PALLD: variants seen among roughly 807,000 people sequenced by gnomAD.
PALLD encodes palladin, cytoskeletal associated protein.
A neutral mutation model predicts 123.5 loss-of-function variants in PALLD; 61 were observed. That is an observed-to-expected ratio of 0.49 (90% confidence interval 0.40 to 0.61). PALLD has a LOEUF of 0.61. PALLD is among the 20% of genes least tolerant of loss of function. PALLD has a pLI of 0.00. For synonymous variants in PALLD, 465 were observed against 496.4 expected (o/e 0.94, Z 0.84); for missense variants, 1,273 against 1,377.0 (o/e 0.92, Z 1.20).
chr4:168,877,687 C>A, intron 10 of PALLD: 1 of 1,059,494 alleles, frequency 9.4e-7, no homozygotes, highest in Non-Finnish European at 1.2e-6. Flanking sequence ...CTGGCCGTTC[C>A]ATCTCTGAAG....
intron 10 of PALLD, among the ~76,000 whole-genome samples, chr4:168,724,401 G>A (rs1390773985): frequency 6.6e-6 from 1 of 152,146 alleles, no homozygotes; most frequent in Non-Finnish European, 1.5e-5. Context: ...TTACAGGGAG[G>A]TTTATTTTAA....
intron 10 of PALLD, chr4:168,885,405 T>A (rs769328752): frequency 6.6e-6 from 1 of 152,168 alleles, no homozygotes; most frequent in Non-Finnish European, 1.5e-5. Flanking sequence ...ACAGAGAAGA[T>A]TAGCATGGCC....
chr4:168,751,648 C>T (rs1731076095), intron 10 of PALLD, among the ~76,000 whole-genome samples: 1 of 152,164 alleles, frequency 6.6e-6, no homozygotes, highest in South Asian at 2.1e-4. Context: ...ACAGTTCACA[C>T]CAGGGCACGG....
At chr4:168,586,153 TAAAAA>T (rs35474736) in intron 2 of PALLD, among the ~76,000 whole-genome samples, 1 of 75,528 alleles carries the variant, frequency 1.3e-5, no homozygotes, top group Admixed American at 1.5e-4. Flanking sequence ...TCAAGAGACC[TAAAAA>T]AAAAAAAAAA....
chr4:168,591,072 T>C (rs1176018590), intron 2 of PALLD, among the ~76,000 whole-genome samples: 1 of 151,884 alleles, frequency 6.6e-6, no homozygotes, highest in South Asian at 2.1e-4. Context: ...AGAGACAGAG[T>C]TTCGCCATGT....
At position 168,914,204 on chromosome 4, in the gene PALLD, G is replaced by A. The variant is rs1438777220; in HGVS notation, c.2717+183G>A. On this transcript the variant is annotated intron_variant, in intron 16 of 21. Transcript: ENST00000505667. ...CCCTTGTGATGCAGAAAGGGAATGG[G>A]AACAAACATTCGCTAATGTGTGCTA... is the stretch of plus-strand genomic sequence containing the variant. 4.9e-6 allele frequency: 3 copies of A among 609,318 alleles called. No individual in the cohort carries two copies. In the South Asian group the frequency reaches 5.8e-5, roughly 12 times the overall value. The allele number at this position is 609,318 out of a possible 1,614,324, so 37.7% of individuals were successfully genotyped here.
At chr4:168,618,832 C>T (rs185401826) in intron 2 of PALLD, among the ~76,000 whole-genome samples, 2 of 152,340 alleles carry the variant, frequency 1.3e-5, no homozygotes, top group East Asian at 3.9e-4. Flanking sequence ...GCTTCCCTCC[C>T]GCTCAGCTCC....
intron 10 of PALLD, among the ~76,000 whole-genome samples, chr4:168,783,447 A>G (rs1181529205): frequency 6.6e-6 from 1 of 152,136 alleles, no homozygotes; most frequent in Non-Finnish European, 1.5e-5. Context: ...ATATTTCTAA[A>G]GACGGGAGAG....
chr4:168,863,641 TTCCTC>T (rs1460193026), intron 10 of PALLD: 4 of 152,250 alleles, frequency 2.6e-5, no homozygotes, highest in Non-Finnish European at 4.4e-5. Context: ...AAAAAAAAGT[TTCCTC>T]TATGAGGTCA....
rs1314700613 is a variant in PALLD, at chr4:168,711,736, G to C, written c.1777G>C (p.Gly593Arg). ...CCAGCAGGTGAACAACCCTGAGTTA[G>C]GCCTGAGCAGGGCAGCCCTTCAAAT... is the stretch of plus-strand genomic sequence containing the variant. ...EIQQVNNPELGLSRAALQMQF... is the reference protein window; with the variant it reads ...EIQQVNNPELRLSRAALQMQF... The change falls in exon 10 of 22, where the codon GGC (glycine) becomes CGC (arginine). Residue 593 changes from glycine to arginine, a missense_variant. Transcript: ENST00000505667. The C allele has an allele frequency of 3.7e-6, 6 of 1,614,076 alleles. No homozygotes were observed. Among genetic ancestry groups the C allele is most frequent in the Non-Finnish European group, 5.1e-6 (6 of 1,180,054 alleles).
At chr4:168,813,892 T>C (rs1174486035) in intron 10 of PALLD, among the ~76,000 whole-genome samples, 1 of 152,108 alleles carries the variant, frequency 6.6e-6, no homozygotes, top group East Asian at 1.9e-4. Context: ...TAAGGAACCT[T>C]CTCCCCACAT....
chr4:168,790,954 C>A (rs1419135339), intron 10 of PALLD, among the ~76,000 whole-genome samples: 1 of 152,192 alleles, frequency 6.6e-6, no homozygotes, highest in African/African-American at 2.4e-5. Flanking sequence ...TTAATTCTAA[C>A]CCCTTCAATA....
At chr4:168,805,686 A>C (rs1042649217) in intron 10 of PALLD, among the ~76,000 whole-genome samples, 3 of 151,624 alleles carry the variant, frequency 2.0e-5, no homozygotes, top group Non-Finnish European at 2.9e-5. Context: ...GAAGCCCCCG[A>C]CTCCCCTGTT....
chr4:168,512,097 C>T lies in PALLD; in HGVS notation c.593C>T (p.Ser198Leu), dbSNP rs770328647. The T allele has an allele frequency of 2.5e-6, 4 of 1,614,178 alleles. No homozygotes were observed. Among genetic ancestry groups the T allele is most frequent in the African/African-American group, 2.7e-5 (2 of 75,038 alleles). The change falls in exon 2 of 22, where the codon TCG (serine) becomes TTG (leucine). Residue 198 changes from serine (S) to leucine (L), a missense_variant. Ser to Leu is a moderately radical substitution (Grantham distance 145). Transcript: ENST00000505667. ...AACAGAAGCCCAAATGGGGAGTCCTCGTCACCAGACAGTGGGTACCTGTCT... is the reference window on the plus strand; with the variant it reads ...AACAGAAGCCCAAATGGGGAGTCCTTGTCACCAGACAGTGGGTACCTGTCT... ...PRNRSPNGESSSPDSGYLSPK... is the reference protein window; with the variant it reads ...PRNRSPNGESLSPDSGYLSPK...
chr4:168,691,246 T>C, intron 7 of PALLD, 23 bp from the exon 8 acceptor site: 1 of 1,588,738 alleles, frequency 6.3e-7, no homozygotes, highest in Non-Finnish European at 8.6e-7. Flanking sequence ...TGTTCTAATT[T>C]ATTTTTTTCA....
chr4:168,788,168 T>C (rs1270686895), intron 10 of PALLD, among the ~76,000 whole-genome samples: 1 of 152,218 alleles, frequency 6.6e-6, no homozygotes, highest in Non-Finnish European at 1.5e-5. Context: ...AATTTGCATT[T>C]GAGTAGCAAC....
intron 2 of PALLD, among the ~76,000 whole-genome samples, chr4:168,600,198 G>T (rs1463906020): frequency 6.6e-6 from 1 of 152,116 alleles, no homozygotes; most frequent in East Asian, 1.9e-4. Context: ...CGGTGTGCGT[G>T]TGTGTGTATT....
At chr4:168,807,970 T>TAGAATC (rs1474611956) in intron 10 of PALLD, among the ~76,000 whole-genome samples, 3 of 149,916 alleles carry the variant, frequency 2.0e-5, no homozygotes, top group Non-Finnish European at 4.4e-5. Flanking sequence ...CTTCCCAATG[T>TAGAATC]GCTGGGATTA....
intron 10 of PALLD, among the ~76,000 whole-genome samples, chr4:168,740,967 G>C (rs1788269160): frequency 6.6e-6 from 1 of 152,210 alleles, no homozygotes; most frequent in African/African-American, 2.4e-5. Flanking sequence ...CAGTCTTGCA[G>C]AATTGCAGAA....
Sources: allele counts gnomAD v4.1 joint callset (sites outside exome capture counted in the v4.1 genomes callset), GRCh38; gene constraint gnomAD v4.1.1; transcripts MANE v1.5; gene names NCBI Gene and HGNC (gene_info 2026-07-23, HGNC 2026-07-21).